Variants in SNX7 observed in about 807,000 individuals in gnomAD.
SNX7 encodes sorting nexin-7.
SNX7 carries 35 observed loss-of-function variants against 48.4 expected under a neutral mutation model. The ratio of observed to expected loss-of-function variants is 0.72; its 90% CI spans 0.55 to 0.96. The LOEUF is 0.96. Ranked by LOEUF, SNX7 falls within the 40% of genes least tolerant of loss-of-function variation. The pLI, the probability that SNX7 is intolerant of heterozygous loss-of-function variation, is 0.00. For missense variants in SNX7, 553 were observed against 548.9 expected, an observed-to-expected ratio of 1.01 and a Z score of -0.07; for synonymous variants, 190 against 190.2, an observed-to-expected ratio of 1.00 and a Z score of 0.01.
chr1:98,752,231 A>AACTATATAAAC (rs1470183305), intron 8 of SNX7, among the ~76,000 whole-genome samples: 7 of 152,052 alleles, frequency 4.6e-5, no homozygotes, highest in Non-Finnish European at 8.8e-5. Flanking sequence ...GGTATAAACA[A>AACTATATAAAC]TATATTTCTT....
At chr1:98,678,828 T>C (rs1431148501) in intron 1 of SNX7, among the ~76,000 whole-genome samples, 1 of 152,214 alleles carries the variant, frequency 6.6e-6, no homozygotes, top group African/African-American at 2.4e-5. Flanking sequence ...AATATTATAC[T>C]CTTTAGTCTC....
intron 7 of SNX7, among the ~76,000 whole-genome samples, chr1:98,702,974 C>T (rs1651827003): frequency 6.6e-6 from 1 of 152,114 alleles, no homozygotes; most frequent in Non-Finnish European, 1.5e-5. Context: ...AAGGACTCTG[C>T]ATCCCCCCTC....
At chr1:98,693,031 T>C (rs558057012) in intron 4 of SNX7, among the ~76,000 whole-genome samples, 1 of 152,240 alleles carries the variant, frequency 6.6e-6, no homozygotes, top group African/African-American at 2.4e-5. Context: ...CCAGTATATT[T>C]ATTGAAAAAA....
upstream of SNX7, chr1:98,661,717 G>T: frequency 4.9e-6 from 6 of 1,215,660 alleles, no homozygotes; most frequent in Non-Finnish European, 5.1e-6. Context: ...GGCCGGCTGG[G>T]CGCGCACTCT....
chr1:98,661,653 G>C (rs368371877), upstream of SNX7: 130 of 1,146,066 alleles, frequency 1.1e-4, no homozygotes, highest in East Asian at 3.3e-3. Flanking sequence ...AGGTGCAGGA[G>C]ACGTGGGAGC....
intron 7 of SNX7, among the ~76,000 whole-genome samples, chr1:98,703,536 G>A (rs1184248284): frequency 1.3e-5 from 2 of 151,922 alleles, no homozygotes; most frequent in African/African-American, 2.4e-5. Flanking sequence ...AGAAAATGTA[G>A]AACTAGATGA....
intron 1 of SNX7, among the ~76,000 whole-genome samples, chr1:98,683,206 G>A (rs913163369): frequency 6.6e-6 from 1 of 151,984 alleles, no homozygotes; most frequent in African/African-American, 2.4e-5. Context: ...TTTATTTCAC[G>A]TCAGAGCCTT....
At chr1:98,694,694 G>A (rs935080416) in intron 4 of SNX7, among the ~76,000 whole-genome samples, 3 of 129,642 alleles carry the variant, frequency 2.3e-5, no homozygotes, top group African/African-American at 8.8e-5. Context: ...TGCAACCTCT[G>A]CCTCCTGGGT....
chr1:98,692,908 A>G (rs1651225633), intron 4 of SNX7, among the ~76,000 whole-genome samples: 1 of 152,208 alleles, frequency 6.6e-6, no homozygotes, highest in African/African-American at 2.4e-5. Context: ...ATAGACTAGT[A>G]TCCACATACA....
chr1:98,714,901 G>A (rs185521963), intron 7 of SNX7, among the ~76,000 whole-genome samples: 33 of 152,252 alleles, frequency 2.2e-4, no homozygotes, highest in Admixed American at 5.9e-4. Context: ...TGTGTTACAT[G>A]TTTTTAAATT....
intron 7 of SNX7, among the ~76,000 whole-genome samples, chr1:98,703,007 C>T (rs1029819550): frequency 6.6e-6 from 1 of 152,062 alleles, no homozygotes; most frequent in Non-Finnish European, 1.5e-5. Context: ...TTCTCCCTAA[C>T]TTTAATCACT....
chr1:98,749,627 A>C (rs1045449317), intron 8 of SNX7, among the ~76,000 whole-genome samples: 2 of 152,112 alleles, frequency 1.3e-5, no homozygotes, highest in Non-Finnish European at 2.9e-5. Flanking sequence ...TTTCTCTGGC[A>C]ATATCAACTC....
intron 7 of SNX7, among the ~76,000 whole-genome samples, chr1:98,734,337 A>G (rs1653668402): frequency 6.6e-6 from 1 of 151,984 alleles, no homozygotes; most frequent in South Asian, 2.1e-4. Flanking sequence ...TATCTAATTG[A>G]TTATCCTTGA....
intron 2 of SNX7, among the ~76,000 whole-genome samples, chr1:98,685,431 G>T (rs1156316680): frequency 6.6e-5 from 10 of 152,120 alleles, no homozygotes; most frequent in Non-Finnish European, 1.5e-4. Context: ...TATGTATTCA[G>T]ATTTCTTTGG....
In SNX7 at chr1:98,738,361, C is replaced by T. The variant is rs1257967363; in HGVS notation, c.1250C>T (p.Ala417Val). Residue 417 changes from alanine to valine, a missense_variant, in exon 8 of 9, where the codon GCT (alanine) becomes GTT (valine). By Grantham distance (64) the Ala-to-Val change is moderately conservative. Transcript: ENST00000306121. ...NDIKLAFTDM[A>V]EENIHYYEQC... ...ATCAAGTTAGCATTTACAGATATGG[C>T]TGAGGAGAATATCCATTATTATGAA... 1 of 1,613,204 alleles carries T rather than the reference C, an allele frequency of 6.2e-7. No homozygotes were observed.
At chr1:98,731,748 G>C (rs1276028558) in intron 7 of SNX7, among the ~76,000 whole-genome samples, 1 of 151,978 alleles carries the variant, frequency 6.6e-6, no homozygotes, top group Non-Finnish European at 1.5e-5. Flanking sequence ...TGTGTATCTA[G>C]ACATAGAAAA....
chr1:98,684,255 GT>G (rs1274997976), intron 1 of SNX7, among the ~76,000 whole-genome samples: 1 of 152,096 alleles, frequency 6.6e-6, no homozygotes, highest in Non-Finnish European at 1.5e-5. Context: ...GTTTACCATA[GT>G]TTTTTTCTTC....
intron 8 of SNX7, among the ~76,000 whole-genome samples, chr1:98,750,687 G>T (rs1231080434): frequency 1.3e-5 from 2 of 151,994 alleles, no homozygotes; most frequent in African/African-American, 4.8e-5. Flanking sequence ...ACGAATGAAT[G>T]AATGAATGAA....
At chr1:98,716,917 G>A (rs1242602520) in intron 7 of SNX7, among the ~76,000 whole-genome samples, 1 of 151,010 alleles carries the variant, frequency 6.6e-6, no homozygotes, top group Non-Finnish European at 1.5e-5. Flanking sequence ...TACATAGGGA[G>A]ATGAGAAAAT....
Sources: gnomAD v4.1 joint callset for allele counts (sites outside exome capture counted in the v4.1 genomes callset) on GRCh38, gnomAD v4.1.1 for gene constraint, MANE v1.5 for transcripts, NCBI Gene and HGNC (gene_info 2026-07-23, HGNC 2026-07-21) for gene names.